The following RIMKLB variants were observed in gnomAD, a reference collection of about 807,000 sequenced individuals.
RIMKLB encodes the protein beta-citrylglutamate synthase B.
A neutral mutation model predicts 32.0 loss-of-function variants in RIMKLB; 7 were observed. The observed-to-expected ratio is 0.22, with a 90% CI of 0.12 to 0.41. The LOEUF (loss-of-function observed/expected upper bound fraction) is 0.41. Among genes scored for constraint, RIMKLB ranks in the 10% least tolerant of loss-of-function variants. The probability of loss-of-function intolerance (pLI) is 1.00; values close to 1 mark genes in which losing one functional copy is unlikely to be tolerated. For missense variants in RIMKLB, 289 were observed against 498.7 expected (o/e 0.58, Z 4.00); for synonymous variants, 172 against 185.1 (o/e 0.93, Z 0.57).
rs1382328519 is a variant in RIMKLB at position 8,698,182 on chromosome 12, G to T, written c.-172G>T. 4 of 342,428 alleles carry T rather than the reference G, an allele frequency of 1.2e-5. No homozygotes were observed. The highest frequency in any genetic ancestry group is 3.7e-5 in the Admixed American group (1 of 27,324). The allele number at this position is 342,428 out of a possible 1,614,324, so 21.2% of individuals were successfully genotyped here. Reference sequence around the variant, plus strand: ...GAAAGGAGGCGGCTCCCGGTATCCCGACCCCCTCCCCCTCCTCTCCTTCCC... The same window carrying T: ...GAAAGGAGGCGGCTCCCGGTATCCCTACCCCCTCCCCCTCCTCTCCTTCCC... On this transcript the variant is annotated 5_prime_UTR_variant, in exon 1 of 6. Coordinates refer to ENST00000535829, the MANE Select transcript of RIMKLB (RefSeq NM_001297776.2).
chr12:8,710,362 C>T (rs1221469369), intron 1 of RIMKLB, among the ~76,000 whole-genome samples: 5 of 145,774 alleles, frequency 3.4e-5, no homozygotes, highest in Non-Finnish European at 7.5e-5. Context: ...GGCTGGAGAG[C>T]AGTGGCACGA....
At chr12:8,747,685 A>C (rs1948222190) in intron 2 of RIMKLB, among the ~76,000 whole-genome samples, 1 of 152,204 alleles carries the variant, frequency 6.6e-6, no homozygotes, top group African/African-American at 2.4e-5. Flanking sequence ...TATAAAATGT[A>C]ATTCCATTCA....
chr12:8,770,056 C>T (rs1253287105), intron 5 of RIMKLB, among the ~76,000 whole-genome samples: 3 of 151,928 alleles, frequency 2.0e-5, no homozygotes, highest in Non-Finnish European at 2.9e-5. Context: ...CACTGCAACC[C>T]CCGCTTCCCG....
Position 8,773,906 on chromosome 12 carries a change from A to G in RIMKLB, c.*122A>G. 1 of 1,446,454 alleles carries G rather than the reference A, an allele frequency of 6.9e-7. No homozygotes were observed. Among genetic ancestry groups the G allele is most frequent in the Non-Finnish European group, 9.1e-7 (1 of 1,102,536 alleles). The allele number at this position is 1,446,454 out of a possible 1,614,324, so 89.6% of individuals were successfully genotyped here. On this transcript the variant is annotated 3_prime_UTR_variant, in exon 6 of 6. Transcript: ENST00000535829. ...AGGAAGATGAGAGAAAATTAGTAGG[A>G]TTAGTTGGAGAGAGTGGGAGATAGA...
chr12:8,737,875 C>T (rs1030043670), intron 2 of RIMKLB, among the ~76,000 whole-genome samples: 4 of 152,086 alleles, frequency 2.6e-5, no homozygotes, highest in African/African-American at 4.8e-5. Flanking sequence ...CCACCACGCC[C>T]GGCTAATTTT....
Position 8,773,547 on chromosome 12 carries a change from C to G in RIMKLB, c.924C>G (p.Pro308=), listed in dbSNP as rs1320238300. ...IIADYAASLL[P]SGRLTRRMSL... Reference sequence around the variant, plus strand: ...CAGACTATGCCGCCTCCCTTCTACCCTCTGGCCGGCTCACCCGGCGTATGT... The same window carrying G: ...CAGACTATGCCGCCTCCCTTCTACCGTCTGGCCGGCTCACCCGGCGTATGT... Residue 308 remains proline, a synonymous_variant, in exon 6 of 6, where the codon CCC becomes CCG. Coordinates refer to ENST00000535829, the MANE Select transcript of RIMKLB (RefSeq NM_001297776.2). 6.8e-6 allele frequency: 11 copies of G among 1,614,258 alleles called. No individual in the cohort carries two copies. Among genetic ancestry groups the G allele is most frequent in the Non-Finnish European group, 9.3e-6 (11 of 1,180,048 alleles).
intron 5 of RIMKLB, among the ~76,000 whole-genome samples, chr12:8,761,576 G>A (rs758638568): frequency 6.6e-6 from 1 of 152,082 alleles, no homozygotes; most frequent in Non-Finnish European, 1.5e-5. Context: ...TTTCTTTACC[G>A]CCTGCTTTAG....
At chr12:8,718,659 A>ATGTGTG (rs1213938637) in intron 2 of RIMKLB, among the ~76,000 whole-genome samples, 195 of 119,362 alleles carry the variant, frequency 1.6e-3, no homozygotes, top group African/African-American at 6.1e-3. Flanking sequence ...CTCTCTATAT[A>ATGTGTG]TATATATATA....
intron 2 of RIMKLB, among the ~76,000 whole-genome samples, chr12:8,715,509 G>A (rs143593002): frequency 1.5e-3 from 234 of 152,146 alleles, no homozygotes; most frequent in African/African-American, 5.4e-3. Context: ...CAGGCATGAG[G>A]CACCATGCCC....
intron 2 of RIMKLB, among the ~76,000 whole-genome samples, chr12:8,720,894 C>T (rs7970045): frequency 0.021 from 3,154 of 152,184 alleles, 106 homozygotes; most frequent in African/African-American, 0.071. Flanking sequence ...TAGCTAGACA[C>T]AAAGTGAGAC....
intron 2 of RIMKLB, among the ~76,000 whole-genome samples, chr12:8,715,228 C>CCTT (rs1445737752): frequency 1.5e-4 from 19 of 123,762 alleles, no homozygotes; most frequent in African/African-American, 5.0e-4. Flanking sequence ...TGCTCTTGTT[C>CCTT]TTTTTTTTTT....
intron 5 of RIMKLB, among the ~76,000 whole-genome samples, chr12:8,757,884 T>C (rs760640167): frequency 1.9e-4 from 29 of 152,174 alleles, no homozygotes; most frequent in Non-Finnish European, 3.5e-4. Context: ...TAGTTTCTTA[T>C]AGTGCCAACT....
chr12:8,742,927 A>T (rs552514317), intron 2 of RIMKLB: 2 of 168,562 alleles, frequency 1.2e-5, no homozygotes, highest in Middle Eastern at 1.8e-3. Context: ...GCAACAAGGG[A>T]GCTCTCTCAG....
chr12:8,773,435 G>T lies in RIMKLB; in HGVS notation c.812G>T (p.Gly271Val), dbSNP rs1335274924. 8.1e-6 allele frequency: 13 copies of T among 1,614,046 alleles called. No homozygotes were observed. The highest frequency in any genetic ancestry group is 1.1e-5 in the Non-Finnish European group (13 of 1,179,982). ...ATTGATCTGCTGATGAAAGATGACGGCTCCTTCTGCGTCTGTGAGGCCAAT... is the reference window on the plus strand; with the variant it reads ...ATTGATCTGCTGATGAAAGATGACGTCTCCTTCTGCGTCTGTGAGGCCAAT... ...CGIDLLMKDD[G>V]SFCVCEANAN... The change falls in exon 6 of 6, where the codon GGC (glycine) becomes GTC (valine). Residue 271 changes from glycine to valine, a missense_variant. Physicochemically the swap from Gly to Val is moderately radical, Grantham distance 109. Around this residue, in one of 3 missense-constraint regions of RIMKLB, gnomAD observed 156 missense variants for 329.5 expected, o/e 0.47. Coordinates refer to ENST00000535829, the MANE Select transcript of RIMKLB (RefSeq NM_001297776.2).
intron 1 of RIMKLB, among the ~76,000 whole-genome samples, chr12:8,704,311 A>T (rs979049437): frequency 6.6e-6 from 1 of 151,926 alleles, no homozygotes; most frequent in Non-Finnish European, 1.5e-5. Flanking sequence ...TGAACCCAGG[A>T]GGCGGAGGTT....
At chr12:8,681,761 T>TGTGC (rs1267969263) in exon 1 of RIMKLB, 1 of 152,266 alleles carries the variant, frequency 6.6e-6, no homozygotes, top group Non-Finnish European at 1.5e-5. Flanking sequence ...AGCCCCTGTC[T>TGTGC]GTGCTCAGGA....
intron 1 of RIMKLB, among the ~76,000 whole-genome samples, chr12:8,710,688 T>C (rs1944300681): frequency 6.6e-6 from 1 of 152,162 alleles, no homozygotes; most frequent in Non-Finnish European, 1.5e-5. Flanking sequence ...GGGAACACTG[T>C]TGTAGCCCAT....
At chr12:8,707,242 C>G (rs953662489) in intron 1 of RIMKLB, among the ~76,000 whole-genome samples, 2 of 152,202 alleles carry the variant, frequency 1.3e-5, no homozygotes, top group African/African-American at 4.8e-5. Flanking sequence ...ACCATGCCCC[C>G]CACCAGTACA....
intron 2 of RIMKLB, among the ~76,000 whole-genome samples, chr12:8,715,575 A>G (rs184271513): frequency 1.8e-4 from 27 of 152,046 alleles, no homozygotes; most frequent in Non-Finnish European, 3.7e-4. Context: ...GATGCTCACT[A>G]TTTTATTTTC....
Sources: allele counts gnomAD v4.1 joint callset (sites outside exome capture counted in the v4.1 genomes callset), GRCh38; gene constraint gnomAD v4.1.1; regional missense constraint gnomAD v4.1.1; transcripts MANE v1.5; gene names NCBI Gene and HGNC (gene_info 2026-07-23, HGNC 2026-07-21).